Variants in NFAT5 observed in about 807,000 individuals in gnomAD.
NFAT5 encodes nuclear factor of activated T cells 5.
In NFAT5, 31 loss-of-function variants were observed where a neutral mutation model predicts 166.5. The observed-to-expected ratio is 0.19, with a 90% CI of 0.14 to 0.25. NFAT5 has a LOEUF of 0.25. NFAT5 is among the 10% of genes least tolerant of loss of function. The pLI, the probability that NFAT5 is intolerant of heterozygous loss-of-function variation, is 1.00. For missense variants in NFAT5, 1,449 were observed against 1,821.8 expected, an observed-to-expected ratio of 0.80 and a Z score of 3.72; for synonymous variants, 612 against 639.7, an observed-to-expected ratio of 0.96 and a Z score of 0.65.
chr16:69,672,431 C>G (rs1433828600), intron 9 of NFAT5, among the ~76,000 whole-genome samples: 1 of 152,200 alleles, frequency 6.6e-6, no homozygotes, highest in Admixed American at 6.5e-5. Context: ...TCCTCTGACT[C>G]TAACATTTTA....
intron 4 of NFAT5, chr16:69,648,213 C>A: frequency 1.0e-6 from 1 of 977,162 alleles, no homozygotes; most frequent in Non-Finnish European, 1.2e-6. Context: ...ACCGAAAGAA[C>A]TAGCAATGTA....
At chr16:69,619,245 A>G (rs752747248) in intron 2 of NFAT5, among the ~76,000 whole-genome samples, 9 of 152,250 alleles carry the variant, frequency 5.9e-5, no homozygotes, top group Non-Finnish European at 1.0e-4. Context: ...AGAAAGAATA[A>G]GAACTTAGAC....
chr16:69,631,224 A>C (rs1413511042), intron 3 of NFAT5, among the ~76,000 whole-genome samples: 1 of 152,162 alleles, frequency 6.6e-6, no homozygotes, highest in African/African-American at 2.4e-5. Context: ...TGAGGTCAGG[A>C]GTTCAAGACC....
intron 2 of NFAT5, among the ~76,000 whole-genome samples, chr16:69,593,261 G>A (rs1057115542): frequency 4.6e-5 from 7 of 152,044 alleles, no homozygotes; most frequent in African/African-American, 1.7e-4. Flanking sequence ...GTCTAAGGAG[G>A]GAAACTGAAA....
rs2037914129 is a variant in NFAT5, at chr16:69,702,433, G to A, written c.*6082G>A. The stretch of plus-strand genomic sequence containing the variant: ...TCAGCTTGCTAACCTACATGTTTGG[G>A]AATTCATTAAAACCAGTTGTCTATA... On this transcript the variant is annotated 3_prime_UTR_variant, in exon 15 of 15. Transcript: ENST00000349945. 2.0e-5 allele frequency: 3 copies of A among 152,254 alleles called. No homozygotes were observed. In the South Asian group the frequency reaches 6.2e-4, roughly 32 times the overall value. The allele number at this position is 152,254 out of a possible 1,614,324, so 9.4% of individuals were successfully genotyped here.
At chr16:69,663,146 G>C (rs1212059999) in intron 7 of NFAT5, among the ~76,000 whole-genome samples, 4 of 152,094 alleles carry the variant, frequency 2.6e-5, no homozygotes, top group Admixed American at 2.6e-4. Flanking sequence ...AAAGGTGACA[G>C]AGTTGGAAGG....
At chr16:69,587,723 C>G (rs1190277122) in intron 2 of NFAT5, among the ~76,000 whole-genome samples, 1 of 152,012 alleles carries the variant, frequency 6.6e-6, no homozygotes, top group East Asian at 1.9e-4. Context: ...ACTACTAAAG[C>G]ATTTTCTATT....
In NFAT5 at chr16:69,692,185, G is replaced by A. The variant is rs1328674662; in HGVS notation, c.2360G>A (p.Ser787Asn). 6.2e-7 allele frequency: 1 copy of A among 1,614,072 alleles called. No individual in the cohort carries two copies. The highest frequency in any genetic ancestry group is 2.2e-5 in the East Asian group (1 of 44,902). The change falls in exon 13 of 15, where the codon AGT becomes AAT. Residue 787 changes from serine to asparagine, a missense_variant. By Grantham distance (46) the Ser-to-Asn change is conservative. Around this residue, in one of 7 missense-constraint regions of NFAT5, gnomAD observed 891 missense variants for 993.0 expected, o/e 0.90. Coordinates refer to ENST00000349945, the MANE Select transcript of NFAT5 (RefSeq NM_138713.4). ...ATTTTTCCATCACCAAATAGTGTGA[G>A]TCAGCTTCAGAATACTATTCAGCAG... ...SNIFPSPNSV[S>N]QLQNTIQQLQ...
chr16:69,566,784 C>A lies in NFAT5; in HGVS notation c.73+410C>A, dbSNP rs750465363. ...GCGCCGCGTCTTCTCTTACCGGGAC[C>A]CTCCTCCCCAGCAAAGTTGCCCCCA... On this transcript the variant is annotated intron_variant, in intron 1 of 14. Transcript: ENST00000349945. The surrounding 1 kb of genome is among the most constrained non-coding windows in gnomAD (Gnocchi z 5.7). Among the ~76,000 whole-genome samples, 1 of 152,170 alleles carries A rather than the reference C, an allele frequency of 6.6e-6. No homozygotes were observed. The highest frequency in any genetic ancestry group is 2.4e-5 in the African/African-American group (1 of 41,456).
At chr16:69,685,181 TATATA>T (rs1284273525) in intron 11 of NFAT5, 41 of 129,670 alleles carry the variant, frequency 3.2e-4, no homozygotes, top group Non-Finnish European at 3.2e-4. Flanking sequence ...TATATATATA[TATATA>T]TATATTTTTT....
At chr16:69,658,973 G>C (rs1215539549) in intron 6 of NFAT5, among the ~76,000 whole-genome samples, 1 of 152,078 alleles carries the variant, frequency 6.6e-6, no homozygotes, top group Non-Finnish European at 1.5e-5. Context: ...AACATATCAT[G>C]AGCATTTTTC....
chr16:69,576,921 C>G (rs1020402751), intron 2 of NFAT5, among the ~76,000 whole-genome samples: 11 of 152,156 alleles, frequency 7.2e-5, no homozygotes, highest in African/African-American at 2.7e-4. Context: ...CTCTTGATTT[C>G]TTTGGCAGTA....
At position 69,693,184 on chromosome 16, in the gene NFAT5, G is replaced by A. The variant is rs746189392; in HGVS notation, c.3359G>A (p.Ser1120Asn). ...LFHSPNPIVH[S>N]QTSTTSSEQM... ...CATAGTCCAAATCCTATTGTCCACA[G>A]TCAGACTTCTACAACCTCCTCTGAA... The change falls in exon 13 of 15, where the codon AGT becomes AAT. Residue 1120 changes from serine (S) to asparagine (N), a missense_variant. By Grantham distance (46) the Ser-to-Asn change is conservative. This residue lies in a region of NFAT5 where 891 missense variants were observed against 993.0 expected (regional missense o/e 0.90). Coordinates refer to ENST00000349945, the MANE Select transcript of NFAT5 (RefSeq NM_138713.4). 1 of 1,614,104 alleles carries A rather than the reference G, an allele frequency of 6.2e-7. No homozygotes were observed. The highest frequency in any genetic ancestry group is 1.3e-5 in the African/African-American group (1 of 75,000).
chr16:69,597,749 G>A (rs1006179110), intron 2 of NFAT5, among the ~76,000 whole-genome samples: 15 of 151,926 alleles, frequency 9.9e-5, no homozygotes, highest in Non-Finnish European at 1.9e-4. Context: ...CCACCACCGC[G>A]CCTGACTAAT....
intron 2 of NFAT5, 74 bp from the exon 3 acceptor site, chr16:69,626,329 C>T: frequency 7.5e-7 from 1 of 1,330,064 alleles, no homozygotes; most frequent in South Asian, 1.6e-5. Context: ...AAGACATACT[C>T]ATTTTGTGCA....
chr16:69,604,648 C>A (rs2033309337), intron 2 of NFAT5, among the ~76,000 whole-genome samples: 1 of 152,124 alleles, frequency 6.6e-6, no homozygotes, highest in South Asian at 2.1e-4. Flanking sequence ...TGTTGTGCAA[C>A]CACTACCTCT....
Position 69,626,392 on chromosome 16 carries a change from C to T in NFAT5, c.128-11C>T. On this transcript the variant is annotated splice_polypyrimidine_tract_variant and intron_variant, in intron 2 of 14. Transcript: ENST00000349945. ...AAAAATTGTTTTCTCCTCTCTTTCC[C>T]CTCCCCACAGAATCTGTCTATGATC... The T allele has an allele frequency of 1.3e-6, 2 of 1,553,360 alleles. No homozygotes were observed. Among genetic ancestry groups the T allele is most frequent in the Non-Finnish European group, 1.7e-6 (2 of 1,156,226 alleles).
chr16:69,619,861 C>G (rs899685103), intron 2 of NFAT5, among the ~76,000 whole-genome samples: 13 of 152,264 alleles, frequency 8.5e-5, no homozygotes, highest in African/African-American at 2.6e-4. Flanking sequence ...TATTAAATTA[C>G]CAATTTTTTT....
chr16:69,667,063 A>G (rs531271213), intron 7 of NFAT5, among the ~76,000 whole-genome samples: 8 of 151,742 alleles, frequency 5.3e-5, no homozygotes, highest in South Asian at 4.2e-4. Flanking sequence ...TCAGTAAACT[A>G]TCGCAAGAAC....
Sources: gnomAD v4.1 joint callset for allele counts (sites outside exome capture counted in the v4.1 genomes callset) on GRCh38, gnomAD v4.1.1 for gene constraint, gnomAD v4.1.1 regional missense constraint, Gnocchi (gnomAD v3.1) non-coding constraint, MANE v1.5 for transcripts, NCBI Gene and HGNC (gene_info 2026-07-23, HGNC 2026-07-21) for gene names.